Variants in TMEM132D observed in about 807,000 individuals in gnomAD.
TMEM132D encodes mature OL transmembrane protein.
Under a neutral mutation model 62.3 loss-of-function variants are expected in TMEM132D, and 21 were observed. The ratio of observed to expected loss-of-function variants is 0.34; its 90% CI spans 0.24 to 0.49. The LOEUF (loss-of-function observed/expected upper bound fraction) is 0.49, where lower values mean the gene tolerates loss of function less well. Among genes scored for constraint, TMEM132D ranks in the 20% least tolerant of loss-of-function variants. TMEM132D has a pLI of 0.99. For synonymous variants in TMEM132D, 621 were observed against 575.6 expected (o/e 1.08, Z -1.13); for missense variants, 1,346 against 1,402.8 (o/e 0.96, Z 0.65).
chr12:129,685,409 C>A (rs1880883680), intron 2 of TMEM132D, among the ~76,000 whole-genome samples: 1 of 152,206 alleles, frequency 6.6e-6, no homozygotes, highest in Non-Finnish European at 1.5e-5. Flanking sequence ...ATGGTAAAAG[C>A]CCCAAACCTT....
At chr12:129,446,220 T>C (rs4759940) in intron 3 of TMEM132D, among the ~76,000 whole-genome samples, 67,740 of 151,910 alleles carry the variant, frequency 0.45, 15,514 homozygotes, top group East Asian at 0.62. Flanking sequence ...ACCCATGGTA[T>C]GCTGAGTCCT....
chr12:129,073,964 C>T lies in TMEM132D; in HGVS notation c.3211G>A (p.Asp1071Asn), dbSNP rs2135601434. ...TRNSIVMSSE[D>N]DIKWVCQDLD... Reference sequence around the variant, plus strand: ...TCCTGGCAGACCCACTTAATGTCATCCTCGCTACTCATCACGATGGAGTTC... The same window carrying T: ...TCCTGGCAGACCCACTTAATGTCATTCTCGCTACTCATCACGATGGAGTTC... Residue 1071 changes from aspartate to asparagine, a missense_variant, in exon 9 of 9, where the codon GAT becomes AAT. Asp to Asn is a conservative substitution (Grantham distance 23). Coordinates refer to ENST00000422113, the MANE Select transcript of TMEM132D (RefSeq NM_133448.3). 1.2e-6 allele frequency: 2 copies of T among 1,612,884 alleles called. No homozygotes were observed. Among genetic ancestry groups the T allele is most frequent in the South Asian group, 1.1e-5 (1 of 90,832 alleles).
In TMEM132D at chr12:129,626,857, T is replaced by C. The variant is rs574959566; in HGVS notation, c.968+72953A>G. Among the ~76,000 whole-genome samples the C allele has an allele frequency of 4.6e-5, 7 of 152,320 alleles. No homozygotes were observed. The East Asian group carries it at 1.3e-3, about 29-fold the overall frequency. On this transcript the variant is annotated intron_variant, in intron 2 of 8. Transcript: ENST00000422113. ...GAGCTATCCTCATCACTAAGGTTTC[T>C]GGAACTAAAAGAGCAGTATCCATGG...
intron 1 of TMEM132D, among the ~76,000 whole-genome samples, chr12:129,795,419 A>G (rs1871534210): frequency 6.6e-6 from 1 of 152,236 alleles, no homozygotes; most frequent in African/African-American, 2.4e-5. Flanking sequence ...TCAGTCATCT[A>G]CAGACATTGA....
chr12:129,231,162 T>TA (rs1421546338), intron 4 of TMEM132D, among the ~76,000 whole-genome samples: 6 of 152,246 alleles, frequency 3.9e-5, no homozygotes, highest in Non-Finnish European at 8.8e-5. Flanking sequence ...ACACAAAGCC[T>TA]AGGGCTAAGT....
chr12:129,901,472 C>T lies in TMEM132D; in HGVS notation c.79+1789G>A, dbSNP rs116419855. On this transcript the variant is annotated intron_variant, in intron 1 of 8. Transcript: ENST00000422113. ...TCTGCTAATTGCTGTACAAAGTCTC[C>T]ACACAGAACTGATTCACTTTTGAAC... Among the ~76,000 whole-genome samples the T allele has an allele frequency of 8.7e-3, 1,329 of 152,260 alleles. 12 individuals carry two copies. The highest frequency in any genetic ancestry group is 0.03 in the African/African-American group (1,251 of 41,550).
In TMEM132D at chr12:129,105,595, A is replaced by C. The variant is rs1383026736; in HGVS notation, c.1444-20893T>G. Among the ~76,000 whole-genome samples the C allele has an allele frequency of 2.7e-5, 4 of 150,780 alleles. 1 individual carries two copies. The highest frequency in any genetic ancestry group is 1.0e-4 in the African/African-American group (4 of 40,142). On this transcript the variant is annotated intron_variant, in intron 5 of 8. Coordinates refer to ENST00000422113, the MANE Select transcript of TMEM132D (RefSeq NM_133448.3). Reference sequence around the variant, plus strand: ...GAAAAAAACAAACAACCCCATCAAAAAGTGGCCGAAGGACATGAACAGACA... The same window carrying C: ...GAAAAAAACAAACAACCCCATCAAACAGTGGCCGAAGGACATGAACAGACA...
intron 5 of TMEM132D, among the ~76,000 whole-genome samples, chr12:129,169,008 C>T (rs1042187906): frequency 2.6e-4 from 40 of 152,200 alleles, no homozygotes; most frequent in Non-Finnish European, 5.1e-4. Context: ...CTCTAAGAAT[C>T]TACCTTTCAA....
At chr12:129,276,700 C>T (rs1881016730) in intron 4 of TMEM132D, among the ~76,000 whole-genome samples, 1 of 152,220 alleles carries the variant, frequency 6.6e-6, no homozygotes, top group Non-Finnish European at 1.5e-5. Context: ...TAGTTTTAAA[C>T]AATTACTAAG....
rs529877126 is a variant in TMEM132D at position 129,869,298 on chromosome 12, C to T, written c.79+33963G>A. On this transcript the variant is annotated intron_variant, in intron 1 of 8. Coordinates refer to ENST00000422113, the MANE Select transcript of TMEM132D (RefSeq NM_133448.3). ...AACGAGCAACAAGTTGTGAAATTACCTGCATTTTCAGCTTCAATCCCTTGG... is the reference window on the plus strand; with the variant it reads ...AACGAGCAACAAGTTGTGAAATTACTTGCATTTTCAGCTTCAATCCCTTGG... 4.5e-4 allele frequency among the ~76,000 whole-genome samples: 69 copies of T among 152,248 alleles called. 3 individuals are homozygous for T. The South Asian group carries it at 0.014, about 32-fold the overall frequency.
chr12:129,328,201 C>T (rs1430264590), intron 4 of TMEM132D, among the ~76,000 whole-genome samples: 1 of 152,228 alleles, frequency 6.6e-6, no homozygotes, highest in African/African-American at 2.4e-5. Context: ...TATTTTCTTC[C>T]AAGCATGTAT....
intron 1 of TMEM132D, among the ~76,000 whole-genome samples, chr12:129,708,772 C>T (rs1349288703): frequency 8.6e-5 from 13 of 151,922 alleles, no homozygotes; most frequent in Non-Finnish European, 4.4e-5. Context: ...TTTTACAGGA[C>T]ACCATGTACT....
intron 1 of TMEM132D, among the ~76,000 whole-genome samples, chr12:129,761,686 G>A (rs138694806): frequency 5.3e-5 from 8 of 152,256 alleles, no homozygotes; most frequent in East Asian, 1.9e-4. Flanking sequence ...ATTCCCACGC[G>A]GTCTGCTTTC....
chr12:129,834,690 G>A (rs2098826992), intron 1 of TMEM132D, among the ~76,000 whole-genome samples: 1 of 152,118 alleles, frequency 6.6e-6, no homozygotes, highest in South Asian at 2.1e-4. Flanking sequence ...CAGGCGGCAG[G>A]GCTCACAGTG....
rs921494896 is a variant in TMEM132D at position 129,136,138 on chromosome 12, C to T, written c.1444-51436G>A. On this transcript the variant is annotated intron_variant, in intron 5 of 8. Transcript: ENST00000422113. ...TTTTTATTAAGTTCATACTTGGCAC[C>T]ACTTTTTATAATTTTGAAGTAATTT... Among the ~76,000 whole-genome samples the T allele has an allele frequency of 2.6e-5, 4 of 152,152 alleles. No homozygotes were observed. The East Asian group carries it at 7.7e-4, about 29-fold the overall frequency.
intron 1 of TMEM132D, among the ~76,000 whole-genome samples, chr12:129,893,069 G>T (rs1223936799): frequency 6.6e-6 from 1 of 152,090 alleles, no homozygotes; most frequent in Admixed American, 6.5e-5. Context: ...TAGAGACAGG[G>T]TTTCATCATG....
At chr12:129,278,193 ACG>A (rs1306645602) in intron 4 of TMEM132D, among the ~76,000 whole-genome samples, 7 of 152,196 alleles carry the variant, frequency 4.6e-5, no homozygotes, top group Non-Finnish European at 1.0e-4. Context: ...TCTCTGAGAA[ACG>A]CAGCAGCCAA....
intron 1 of TMEM132D, among the ~76,000 whole-genome samples, chr12:129,742,875 A>G (rs2137260591): frequency 6.6e-6 from 1 of 152,372 alleles, no homozygotes; most frequent in Non-Finnish European, 1.5e-5. Flanking sequence ...AATTTCATCA[A>G]TTTCAATTGC....
rs112799426 is a variant in TMEM132D at position 129,145,398 on chromosome 12, C to T, written c.1444-60696G>A. Among the ~76,000 whole-genome samples the T allele has an allele frequency of 2.4e-4, 37 of 152,278 alleles. 1 individual carries two copies. Among genetic ancestry groups the T allele is most frequent in the African/African-American group, 8.9e-4 (37 of 41,548 alleles). On this transcript the variant is annotated intron_variant, in intron 5 of 8. Transcript: ENST00000422113. The stretch of plus-strand genomic sequence containing the variant: ...GGATGCGTTTCAAGGGGCAGTTCCT[C>T]CAGTTTCTACACAGTTTCTGTGAGC...
Sources: gnomAD v4.1 joint callset for allele counts (sites outside exome capture counted in the v4.1 genomes callset) on GRCh38, gnomAD v4.1.1 for gene constraint, MANE v1.5 for transcripts, NCBI Gene and HGNC (gene_info 2026-07-23, HGNC 2026-07-21) for gene names.